The following USP7 variants were observed in gnomAD, a reference collection of about 807,000 sequenced individuals.
USP7 encodes ubiquitin specific peptidase 7, also known as ubiquitin C-terminal hydrolase 7.
Under a neutral mutation model 162.9 loss-of-function variants are expected in USP7, and 9 were observed. That is an observed-to-expected ratio of 0.06 (90% CI 0.03 to 0.10). The LOEUF (loss-of-function observed/expected upper bound fraction) is 0.10, where lower values mean the gene tolerates loss of function less well. USP7 is among the 10% of genes least tolerant of loss of function. The pLI is 1.00. For missense variants in USP7, 715 were observed against 1,373.7 expected (o/e 0.52, Z 7.58); for synonymous variants, 562 against 475.9 (o/e 1.18, Z -2.35).
chr16:8,915,580 C>T (rs2062015321), intron 8 of USP7, 55 bp from the exon 9 acceptor site: 4 of 1,435,714 alleles, frequency 2.8e-6, no homozygotes, highest in East Asian at 2.4e-5. Context: ...GTAATATATA[C>T]AGTAATTTTA....
At chr16:8,950,429 A>G (rs977568180) in intron 1 of USP7, among the ~76,000 whole-genome samples, 2 of 152,246 alleles carry the variant, frequency 1.3e-5, no homozygotes, top group African/African-American at 4.8e-5. Context: ...ACAGCTTCTG[A>G]TTTCCAAAGG....
chr16:8,928,034 T>TG (rs1355735707), intron 2 of USP7, among the ~76,000 whole-genome samples: 2 of 152,118 alleles, frequency 1.3e-5, no homozygotes, highest in African/African-American at 4.8e-5. Flanking sequence ...TGAAAAATAG[T>TG]GAATAAGGAA....
intron 1 of USP7, among the ~76,000 whole-genome samples, chr16:8,935,270 G>T (rs1042347706): frequency 1.4e-5 from 2 of 147,842 alleles, no homozygotes; most frequent in Non-Finnish European, 3.0e-5. Context: ...GTGTGACCTC[G>T]GCTCACTGGA....
At chr16:8,899,914 TC>T in intron 21 of USP7, 157 bp from the exon 22 acceptor site, 1 of 863,936 alleles carries the variant, frequency 1.2e-6, no homozygotes. Flanking sequence ...CTGCCTGAGC[TC>T]CCTCTGTAAG....
chr16:8,914,902 C>A (rs2062005469), intron 10 of USP7, among the ~76,000 whole-genome samples: 2 of 152,176 alleles, frequency 1.3e-5, no homozygotes, highest in Admixed American at 6.5e-5. Context: ...CACAACAAGA[C>A]CCTATCTCAA....
At chr16:8,904,202 C>G (rs1851464837) in intron 15 of USP7, among the ~76,000 whole-genome samples, 1 of 152,220 alleles carries the variant, frequency 6.6e-6, no homozygotes, top group African/African-American at 2.4e-5. Flanking sequence ...GGGACTGTGA[C>G]CAAGCTCAGG....
At chr16:8,954,568 C>T (rs184910696) in intron 1 of USP7, among the ~76,000 whole-genome samples, 1 of 152,318 alleles carries the variant, frequency 6.6e-6, no homozygotes, top group Non-Finnish European at 1.5e-5. Flanking sequence ...GACAATTTAG[C>T]TGTAAGTTTA....
chr16:8,917,502 C>A (rs2141204799), intron 6 of USP7, among the ~76,000 whole-genome samples: 1 of 152,240 alleles, frequency 6.6e-6, no homozygotes, highest in East Asian at 1.9e-4. Context: ...CCTCAGCCTC[C>A]CGAGTAGCTG....
chr16:8,946,531 G>T (rs539359526), intron 1 of USP7, among the ~76,000 whole-genome samples: 1 of 152,168 alleles, frequency 6.6e-6, no homozygotes, highest in Admixed American at 6.5e-5. Flanking sequence ...TGCAAATCGC[G>T]TATCTTACAA....
In USP7 at chr16:8,898,691, CA is replaced by C. The variant is rs757763150; in HGVS notation, c.2532-53del. The C allele has an allele frequency of 3.3e-5, 47 of 1,436,684 alleles. No homozygotes were observed. The African/African-American group carries it at 5.3e-4, about 16-fold the overall frequency. 89.0% of individuals were successfully genotyped at this position (1,436,684 alleles called of 1,614,324 possible). A position where few individuals can be genotyped will look rare whatever the true frequency, so the allele number is the denominator to read the frequency against. ...AATGACTTGTTTATTTGCCTAAAAA[CA>C]AATATCTGTGAGTGAGCATAAAAGC... On this transcript the variant is annotated intron_variant, in intron 23 of 30. Coordinates refer to ENST00000344836, the MANE Select transcript of USP7 (RefSeq NM_003470.3).
chr16:8,934,335 C>A (rs762086319), intron 1 of USP7, among the ~76,000 whole-genome samples: 1 of 152,110 alleles, frequency 6.6e-6, no homozygotes, highest in Non-Finnish European at 1.5e-5. Context: ...GACTGAGACA[C>A]AAGTGAATTC....
At chr16:8,934,547 T>A (rs1898568906) in intron 1 of USP7, among the ~76,000 whole-genome samples, 1 of 152,254 alleles carries the variant, frequency 6.6e-6, no homozygotes, top group Non-Finnish European at 1.5e-5. Flanking sequence ...GAAAGCCTAT[T>A]ATTTTCTGAA....
chr16:8,915,276 T>C lies in USP7; in HGVS notation c.1056A>G (p.Leu352=). 6.2e-7 allele frequency: 1 copy of C among 1,611,296 alleles called. No homozygotes were observed. Among genetic ancestry groups the C allele is most frequent in the Non-Finnish European group, 8.5e-7 (1 of 1,179,318 alleles). ...TACTATTTTTCTTTCCTTTGATACT[T>C]AGCTGGATATCATAATAATCTTCTC... ...DRREDYYDIQ[L]SIKGKKNIFE... The change falls in exon 10 of 31, where the codon CTA becomes CTG. Residue 352 remains leucine (L), a synonymous_variant. Coordinates refer to ENST00000344836, the MANE Select transcript of USP7 (RefSeq NM_003470.3).
chr16:8,910,728 C>T lies in USP7; in HGVS notation c.1161+17G>A, dbSNP rs2061933243. On this transcript the variant is annotated intron_variant, in intron 11 of 30. Transcript: ENST00000344836. ...AGAACGCTACAACAGGACACTAGCA[C>T]AAAACACTCAATTTACCTGTAAGCC... is the stretch of plus-strand genomic sequence containing the variant. 1.2e-6 allele frequency: 2 copies of T among 1,612,378 alleles called. No individual in the cohort carries two copies. The highest frequency in any genetic ancestry group is 8.5e-7 in the Non-Finnish European group (1 of 1,178,700).
intron 30 of USP7, 49 bp from the exon 31 acceptor site, chr16:8,894,153 C>T: frequency 1.3e-6 from 2 of 1,559,032 alleles, no homozygotes; most frequent in East Asian, 2.2e-5. Context: ...AGCCCTGGAA[C>T]CCCTCAGCGG....
At chr16:8,902,525 A>ATC in intron 16 of USP7, 43 bp from the exon 17 acceptor site, 1 of 1,536,798 alleles carries the variant, frequency 6.5e-7, no homozygotes. Flanking sequence ...AAACACGCTC[A>ATC]TATTTTAGTC....
chr16:8,950,889 A>C (rs1329439584), intron 1 of USP7, among the ~76,000 whole-genome samples: 1 of 152,150 alleles, frequency 6.6e-6, no homozygotes, highest in African/African-American at 2.4e-5. Flanking sequence ...ATGGGGCCAG[A>C]ACTTGGGCCT....
intron 5 of USP7, among the ~76,000 whole-genome samples, chr16:8,919,569 C>G (rs1176297545): frequency 6.6e-6 from 1 of 152,096 alleles, no homozygotes. Context: ...GTGTATTCAC[C>G]AAGTTTCACC....
intron 1 of USP7, among the ~76,000 whole-genome samples, chr16:8,931,215 G>A (rs1898313660): frequency 6.7e-6 from 1 of 149,190 alleles, no homozygotes; most frequent in South Asian, 2.1e-4. Context: ...CTGAGACAGA[G>A]TCTCGCTCTG....
Sources: gnomAD v4.1 joint callset for allele counts (sites outside exome capture counted in the v4.1 genomes callset) on GRCh38, gnomAD v4.1.1 for gene constraint, MANE v1.5 for transcripts, NCBI Gene and HGNC (gene_info 2026-07-23, HGNC 2026-07-21) for gene names.